Variants in SAMSN1 observed in about 807,000 individuals in gnomAD.
SAMSN1 encodes the protein SAM domain-containing protein SAMSN-1.
A neutral mutation model predicts 42.0 loss-of-function variants in SAMSN1; 31 were observed. That is an observed-to-expected ratio of 0.74 (90% CI 0.55 to 1.00). The LOEUF (loss-of-function observed/expected upper bound fraction) is 1.00. Among genes scored for constraint, SAMSN1 ranks in the 50% least tolerant of loss-of-function variants. The pLI, the probability that SAMSN1 is intolerant of heterozygous loss-of-function variation, is 0.00. For synonymous variants in SAMSN1, 178 were observed against 151.9 expected (o/e 1.17, Z -1.26); for missense variants, 464 against 439.4 (o/e 1.06, Z -0.50).
At chr21:14,599,284 T>A (rs1982363510) in intron 6 of SAMSN1, among the ~76,000 whole-genome samples, 2 of 152,020 alleles carry the variant, frequency 1.3e-5, no homozygotes, top group South Asian at 4.1e-4. Context: ...GTTTCCCCCA[T>A]GCTGCTGTCA....
In SAMSN1 at chr21:14,512,531, C is replaced by G. The variant is rs1987733306; in HGVS notation, c.322G>C (p.Asp108His). ...TCTGTGTGGGTCCCAATCACAGGGT[C>G]ACTGTTTCTATATGGGTGGGCATTC... ...GENAHPYRNS[D>H]PVIGTHTEKV... Residue 108 changes from aspartate to histidine, a missense_variant, in exon 4 of 8, where the codon GAC (aspartate) becomes CAC (histidine). Asp to His is a moderately conservative substitution (Grantham distance 81). Coordinates refer to ENST00000400566, the MANE Select transcript of SAMSN1 (RefSeq NM_022136.5). The G allele has an allele frequency of 6.2e-7, 1 of 1,613,818 alleles. No homozygotes were observed. Among genetic ancestry groups the G allele is most frequent in the Non-Finnish European group, 8.5e-7 (1 of 1,179,722 alleles).
chr21:14,594,316 A>T lies in SAMSN1; in HGVS notation c.400-238T>A, dbSNP rs138722806. On this transcript the variant is annotated intron_variant, in intron 6 of 15. Transcript: ENST00000647101. ...TATGTATACATAGTATATACACATTATATATCCATATATGTGTGTGTGATA... is the reference window on the plus strand; with the variant it reads ...TATGTATACATAGTATATACACATTTTATATCCATATATGTGTGTGTGATA... Among the ~76,000 whole-genome samples the T allele has an allele frequency of 1.2e-4, 18 of 152,254 alleles. No homozygotes were observed. In the East Asian group the frequency reaches 3.5e-3, roughly 29 times the overall value.
At chr21:14,534,803 T>C (rs1979500609) in intron 1 of SAMSN1, among the ~76,000 whole-genome samples, 1 of 152,144 alleles carries the variant, frequency 6.6e-6, no homozygotes, top group Non-Finnish European at 1.5e-5. Flanking sequence ...ACAATGAGGC[T>C]CAACAGGCTT....
At chr21:14,591,658 G>A (rs1600949840) in intron 7 of SAMSN1, among the ~76,000 whole-genome samples, 1 of 152,136 alleles carries the variant, frequency 6.6e-6, no homozygotes, top group South Asian at 2.1e-4. Context: ...GGTGAGAGTA[G>A]GGAGAAGAAA....
intron 6 of SAMSN1, 95 bp from the exon 7 acceptor site, chr21:14,498,687 G>A: frequency 1.0e-6 from 1 of 955,860 alleles, no homozygotes; most frequent in Non-Finnish European, 1.5e-6. Flanking sequence ...ATGCACATGG[G>A]GACCAAAGGT....
At chr21:14,652,998 A>G (rs531758256) in intron 1 of SAMSN1, among the ~76,000 whole-genome samples, 4 of 152,152 alleles carry the variant, frequency 2.6e-5, no homozygotes, top group South Asian at 2.1e-4. Context: ...TTATCTCACC[A>G]TAGTTAAAAA....
At chr21:14,492,795 A>C (rs1056647399) in intron 7 of SAMSN1, among the ~76,000 whole-genome samples, 2 of 152,236 alleles carry the variant, frequency 1.3e-5, no homozygotes, top group African/African-American at 4.8e-5. Flanking sequence ...GAAGAAATTA[A>C]ATTGCATGAG....
chr21:14,549,425 C>T (rs972637325), upstream of SAMSN1, among the ~76,000 whole-genome samples: 1 of 152,104 alleles, frequency 6.6e-6, no homozygotes, highest in Admixed American at 6.6e-5. Flanking sequence ...AAAGTAGATT[C>T]TCTGCATTGC....
chr21:14,537,380 T>G (rs1979695251), intron 1 of SAMSN1, among the ~76,000 whole-genome samples: 1 of 152,166 alleles, frequency 6.6e-6, no homozygotes, highest in Admixed American at 6.5e-5. Context: ...TGTTAATTTT[T>G]TTTTCTTCTT....
chr21:14,621,543 A>G (rs975310021), intron 2 of SAMSN1, among the ~76,000 whole-genome samples: 5 of 152,126 alleles, frequency 3.3e-5, no homozygotes, highest in Admixed American at 2.6e-4. Context: ...AGCCTCACTC[A>G]TTGCTAGCAC....
chr21:14,557,786 C>G (rs1980811633), intron 2 of SAMSN1, among the ~76,000 whole-genome samples: 1 of 152,154 alleles, frequency 6.6e-6, no homozygotes, highest in Non-Finnish European at 1.5e-5. Context: ...CTGATCTGGT[C>G]ACGCTGATCT....
intron 2 of SAMSN1, among the ~76,000 whole-genome samples, chr21:14,520,196 A>C (rs1479983367): frequency 6.6e-6 from 1 of 152,166 alleles, no homozygotes; most frequent in Non-Finnish European, 1.5e-5. Context: ...CTACGGTTAA[A>C]ATGTTCATAG....
At chr21:14,617,127 G>A (rs1982858305) in intron 2 of SAMSN1, among the ~76,000 whole-genome samples, 1 of 152,146 alleles carries the variant, frequency 6.6e-6, no homozygotes, top group Admixed American at 6.6e-5. Flanking sequence ...ACTTGTGCAT[G>A]ACCCATAGGA....
intron 2 of SAMSN1, among the ~76,000 whole-genome samples, chr21:14,628,432 A>G (rs1225494984): frequency 1.3e-5 from 2 of 152,152 alleles, no homozygotes; most frequent in Non-Finnish European, 1.5e-5. Context: ...AAATAATAAA[A>G]TAAAACAATT....
Position 14,485,844 on chromosome 21 carries a change from T to C in SAMSN1, c.*68A>G. 1 of 1,168,498 alleles carries C rather than the reference T, an allele frequency of 8.6e-7. No homozygotes were observed. The highest frequency in any genetic ancestry group is 1.3e-6 in the Non-Finnish European group (1 of 780,534). 72.4% of individuals were successfully genotyped at this position (1,168,498 alleles called of 1,614,324 possible). A position where few individuals can be genotyped will look rare whatever the true frequency, so the allele number is the denominator to read the frequency against. On this transcript the variant is annotated 3_prime_UTR_variant, in exon 8 of 8. Transcript: ENST00000400566. ...ATATTTATCTTATCTTCCTCTCCTA[T>C]TTGACGTTTTAGCTCAAGAAGAGTT...
intron 2 of SAMSN1, among the ~76,000 whole-genome samples, chr21:14,638,265 T>C (rs1600978558): frequency 6.6e-6 from 1 of 152,116 alleles, no homozygotes; most frequent in East Asian, 1.9e-4. Flanking sequence ...ATATCAAATA[T>C]TATCACTTCA....
intron 2 of SAMSN1, among the ~76,000 whole-genome samples, chr21:14,518,009 T>C (rs888257274): frequency 1.3e-5 from 2 of 152,346 alleles, no homozygotes; most frequent in African/African-American, 4.8e-5. Context: ...GTGATTCTGA[T>C]ACTCGCTAAA....
chr21:14,508,853 G>A (rs185295336), intron 5 of SAMSN1, among the ~76,000 whole-genome samples: 12 of 152,284 alleles, frequency 7.9e-5, no homozygotes, highest in African/African-American at 2.4e-4. Flanking sequence ...GTATAGGCTG[G>A]GCGTGGTGGC....
At chr21:14,522,760 A>G (rs1409072173) in intron 1 of SAMSN1, among the ~76,000 whole-genome samples, 1 of 152,256 alleles carries the variant, frequency 6.6e-6, no homozygotes, top group East Asian at 1.9e-4. Flanking sequence ...AAGAAAAATT[A>G]ATTTAAAAAA....
Sources: allele counts gnomAD v4.1 joint callset (sites outside exome capture counted in the v4.1 genomes callset), GRCh38; gene constraint gnomAD v4.1.1; transcripts MANE v1.5; gene names NCBI Gene and HGNC (gene_info 2026-07-23, HGNC 2026-07-21).